ATAD3B: variants seen among roughly 807,000 people sequenced by gnomAD.
ATAD3B encodes the protein ATPase family AAA domain-containing protein 3B.
A neutral mutation model predicts 70.2 loss-of-function variants in ATAD3B; 59 were observed. The ratio of observed to expected loss-of-function variants is 0.84; its 90% confidence interval spans 0.68 to 1.04. The LOEUF is 1.04. Ranked by LOEUF, ATAD3B falls within the 50% of genes least tolerant of loss-of-function variation. ATAD3B has a pLI of 0.00. For missense variants in ATAD3B, 961 were observed against 913.4 expected, an observed-to-expected ratio of 1.05 and a Z score of -0.67; for synonymous variants, 423 against 388.6, an observed-to-expected ratio of 1.09 and a Z score of -1.04.
the ATAD3B span, among the ~76,000 whole-genome samples, chr1:1,505,827 T>C: frequency 6.6e-6 from 1 of 152,112 alleles, no homozygotes; most frequent in Admixed American, 6.6e-5. Context: ...TAATGATGAA[T>C]GATATTCATA....
At position 1,490,589 on chromosome 1, in the gene ATAD3B, A is replaced by T. The variant is rs749130356; in HGVS notation, c.1532A>T (p.Tyr511Phe). The T allele has an allele frequency of 4.8e-5, 78 of 1,610,514 alleles. 2 individuals carry two copies. The Admixed American group carries it at 9.9e-4, about 20-fold the overall frequency. ...KRRLKLAQFD[Y>F]GRKCSEVARL... is the part of the protein sequence containing the mutation. Reference sequence around the variant, plus strand: ...CGCCTGAAGCTGGCCCAGTTTGACTACGGGAGGAAGTGCTCGGAGGTCGCT... The same window carrying T: ...CGCCTGAAGCTGGCCCAGTTTGACTTCGGGAGGAAGTGCTCGGAGGTCGCT... The change falls in exon 15 of 16, where the codon TAC (tyrosine) becomes TTC (phenylalanine). Residue 511 changes from tyrosine (Y) to phenylalanine (F), a missense_variant. Tyr to Phe is a conservative substitution (Grantham distance 22, BLOSUM62 3). Coordinates refer to ENST00000673477, the MANE Select transcript of ATAD3B (RefSeq NM_031921.6).
rs747464654 is a variant in ATAD3B, at chr1:1,482,194, A to G, written c.571A>G (p.Thr191Ala). 2,391 of 1,606,840 alleles carry G rather than the reference A, an allele frequency of 1.5e-3. 64 individuals are homozygous for G. The highest frequency in any genetic ancestry group is 2.6e-3 in the African/African-American group (196 of 74,758). ...RHKNEMLRVETEARARAKAER... is the reference protein window; with the variant it reads ...RHKNEMLRVEAEARARAKAER... ...CAAGAATGAGATGCTGCGAGTGGAG[A>G]CCGAGGCCCGGGCGCGCGCCAAGGC... The change falls in exon 6 of 16, where the codon ACC (threonine) becomes GCC (alanine). Residue 191 changes from threonine to alanine, a missense_variant. Transcript: ENST00000673477.
At chr1:1,491,489 C>T (rs1461190925) in intron 15 of ATAD3B, among the ~76,000 whole-genome samples, 2 of 151,944 alleles carry the variant, frequency 1.3e-5, no homozygotes, top group East Asian at 3.9e-4. Flanking sequence ...CAAGATCGCA[C>T]CACCGCACTC....
Position 1,478,685 on chromosome 1 carries a change from C to T in ATAD3B, c.324C>T (p.Ile108=). The T allele has an allele frequency of 6.5e-7, 1 of 1,542,878 alleles. No homozygotes were observed. The highest frequency in any genetic ancestry group is 1.2e-5 in the South Asian group (1 of 83,652). Residue 108 remains isoleucine (I), a synonymous_variant, in exon 3 of 16, where the codon ATC becomes ATT. Transcript: ENST00000673477. ...TGGAGCAGCTCAAGAGCGAGCAGAT[C>T]CGGGCGCAGGCTGAGGAGAGGAGGA... ...AAVEQLKSEQ[I]RAQAEERRKT...
At chr1:1,477,856 C>T (rs1158547922) in intron 2 of ATAD3B, among the ~76,000 whole-genome samples, 2 of 152,204 alleles carry the variant, frequency 1.3e-5, no homozygotes, top group East Asian at 3.9e-4. Context: ...CAGGCACGCG[C>T]CACCACGCCT....
intron 9 of ATAD3B, 135 bp downstream of exon 9, chr1:1,485,973 CG>C (rs1640189965): frequency 6.3e-7 from 1 of 1,590,124 alleles, no homozygotes; most frequent in Non-Finnish European, 8.6e-7. Context: ...TGGACTGTGC[CG>C]GGGATAGATA....
intron 15 of ATAD3B, among the ~76,000 whole-genome samples, chr1:1,492,236 C>T (rs923215585): frequency 2.0e-5 from 3 of 151,884 alleles, no homozygotes. Context: ...CCTGTAATCC[C>T]AGCATGTTGG....
chr1:1,485,957 A>G, intron 9 of ATAD3B, 119 bp downstream of exon 9: 2 of 1,592,870 alleles, frequency 1.3e-6, no homozygotes, highest in Non-Finnish European at 8.6e-7. Flanking sequence ...CTGAGATGCA[A>G]CTGCTTGGAC....
At chr1:1,483,115 C>T (rs1362299983) in intron 7 of ATAD3B, 2 of 431,246 alleles carry the variant, frequency 4.6e-6, no homozygotes, top group Non-Finnish European at 9.3e-6. Flanking sequence ...AAGAGTGAAA[C>T]CCTGTCTCTA....
Position 1,482,594 on chromosome 1 carries a change from C to T in ATAD3B, c.730C>T (p.Arg244Trp), listed in dbSNP as rs3979437. Residue 244 changes from arginine (R) to tryptophan (W), a missense_variant, in exon 7 of 16, where the codon CGG becomes TGG. Arg to Trp is a moderately radical substitution (Grantham distance 101). Transcript: ENST00000673477. ...AGGATTCCGTGCCTTTGTGACAGAC[C>T]GGGACAAAGTGACAGCCACGGTAAA... ...GEGFRAFVTD[R>W]DKVTATVAGL... is the part of the protein sequence containing the mutation. 420 of 1,613,014 alleles carry T rather than the reference C, an allele frequency of 2.6e-4. 3 individuals are homozygous for T. In the African/African-American group the frequency reaches 3.6e-3, roughly 14 times the overall value.
In ATAD3B at chr1:1,472,062, A is replaced by T. The variant is rs751590177; in HGVS notation, c.178A>T (p.Lys60Ter). 1.5e-5 allele frequency: 18 copies of T among 1,183,058 alleles called. No individual in the cohort carries two copies. Among genetic ancestry groups the T allele is most frequent in the African/African-American group, 3.5e-5 (2 of 57,736 alleles). The allele number at this position is 1,183,058 out of a possible 1,614,324, so 73.3% of individuals were successfully genotyped here. A position where few individuals can be genotyped will look rare whatever the true frequency, so the allele number is the denominator to read the frequency against. Residue 60 changes from lysine (K) to a stop codon, truncating the protein, a stop_gained, in exon 1 of 16, where the codon AAG becomes TAG. Coordinates refer to ENST00000673477, the MANE Select transcript of ATAD3B (RefSeq NM_031921.6). LOFTEE classifies it high-confidence loss of function. ...CCCCACCGGCCTGGAGCGCGCCGCCAAGGCGGCGCGCGAGCTGGAGCACTC... is the reference window on the plus strand; with the variant it reads ...CCCCACCGGCCTGGAGCGCGCCGCCTAGGCGGCGCGCGAGCTGGAGCACTC... ...FDPTGLERAA[K>*]AARELEHSRY...
chr1:1,472,281 C>T (rs1384199313), intron 1 of ATAD3B, among the ~76,000 whole-genome samples, 192 bp downstream of exon 1: 8 of 152,056 alleles, frequency 5.3e-5, no homozygotes, highest in Non-Finnish European at 1.2e-4. Context: ...CCGTTTGCAC[C>T]TCTGCAGCTG....
At chr1:1,481,861 C>T (rs1427082096) in intron 5 of ATAD3B, among the ~76,000 whole-genome samples, 2 of 152,140 alleles carry the variant, frequency 1.3e-5, no homozygotes, top group African/African-American at 2.4e-5. Context: ...ATGGACTGGG[C>T]TTGTCCGTGG....
Position 1,487,879 on chromosome 1 carries a change from G to C in ATAD3B, c.1231G>C (p.Asp411His). The change falls in exon 12 of 16, where the codon GAT becomes CAT. Residue 411 changes from aspartate (D) to histidine (H), a missense_variant. Transcript: ENST00000673477. ...CGTTCACAGCCTCCTGCTCTTCATG[G>C]ATGAAGCAGACGCCTTCCTTCGGAA... Reference protein sequence around the residue: ...TSRRGLLLFMDEADAFLRKRA... With the variant: ...TSRRGLLLFMHEADAFLRKRA... The C allele has an allele frequency of 6.2e-7, 1 of 1,613,144 alleles. No individual in the cohort carries two copies. Among genetic ancestry groups the C allele is most frequent in the Non-Finnish European group, 8.5e-7 (1 of 1,179,494 alleles).
At chr1:1,506,371 T>C in the ATAD3B span, among the ~76,000 whole-genome samples, 1 of 152,096 alleles carries the variant, frequency 6.6e-6, no homozygotes, top group African/African-American at 2.4e-5. Context: ...GTCTCTATAT[T>C]GCCTTGACGT....
chr1:1,499,893 CTT>C (rs542576090), downstream of ATAD3B, among the ~76,000 whole-genome samples: 4 of 137,994 alleles, frequency 2.9e-5, no homozygotes, highest in Non-Finnish European at 6.3e-5. Context: ...CGTGCCCAGC[CTT>C]TTTTTTTTTT....
At chr1:1,503,789 A>T in the ATAD3B span, 3 of 1,380,004 alleles carry the variant, frequency 2.2e-6, no homozygotes, top group Non-Finnish European at 3.0e-6. Context: ...TGCAGGGCCG[A>T]GCTTGGGCGC....
chr1:1,479,591 C>T (rs1229655119), intron 4 of ATAD3B, among the ~76,000 whole-genome samples: 5 of 145,426 alleles, frequency 3.4e-5, no homozygotes, highest in Non-Finnish European at 6.0e-5. Context: ...TACCCCTGCA[C>T]ACAGGCCTGC....
At chr1:1,487,756 A>T in intron 11 of ATAD3B, 107 bp from the exon 12 acceptor site, 1 of 1,374,804 alleles carries the variant, frequency 7.3e-7, no homozygotes, top group Non-Finnish European at 1.0e-6. Context: ...GCAGAGCCTG[A>T]CCCCGTGGGG....
Sources: allele counts gnomAD v4.1 joint callset (sites outside exome capture counted in the v4.1 genomes callset), GRCh38; gene constraint gnomAD v4.1.1; transcripts MANE v1.5; gene names NCBI Gene and HGNC (gene_info 2026-07-23, HGNC 2026-07-21).